ESCO1: variants seen among roughly 807,000 people sequenced by gnomAD.
ESCO1 encodes the protein establishment of sister chromatid cohesion N-acetyltransferase 1, also known as N-acetyltransferase ESCO1.
In ESCO1, 33 loss-of-function variants were observed where a neutral mutation model predicts 83.5. The ratio of observed to expected loss-of-function variants is 0.40; its 90% CI spans 0.30 to 0.53. The LOEUF is 0.53. Among genes scored for constraint, ESCO1 ranks in the 20% least tolerant of loss-of-function variants. The probability of loss-of-function intolerance (pLI) is 0.63; values close to 1 mark genes in which losing one functional copy is unlikely to be tolerated. For missense variants in ESCO1, 855 were observed against 968.0 expected, an observed-to-expected ratio of 0.88 and a Z score of 1.55; for synonymous variants, 332 against 324.3, an observed-to-expected ratio of 1.02 and a Z score of -0.25.
Position 21,575,976 on chromosome 18 carries a change from T to C in ESCO1, c.-693-199A>G, listed in dbSNP as rs146965430. 1.4e-4 allele frequency among the ~76,000 whole-genome samples: 22 copies of C among 152,314 alleles called. No homozygotes were observed. The East Asian group carries it at 3.3e-3, about 23-fold the overall frequency. ...CAACTATATGCAGCCAATGGACTAGTAGGCATTCATTCATGTTGTGAAAAA... is the reference window on the plus strand; with the variant it reads ...CAACTATATGCAGCCAATGGACTAGCAGGCATTCATTCATGTTGTGAAAAA... On this transcript the variant is annotated intron_variant, in intron 2 of 11. Transcript: ENST00000269214.
In ESCO1 at chr18:21,564,282, T is replaced by C. The variant is rs1438127511; in HGVS notation, c.1742A>G (p.Asn581Ser). The change falls in exon 7 of 12, where the codon AAT becomes AGT. Residue 581 changes from asparagine to serine, a missense_variant. Asn to Ser is a conservative substitution (Grantham distance 46). This residue lies in a region of ESCO1 where 726 missense variants were observed against 699.5 expected (regional missense o/e 1.04). Coordinates refer to ENST00000269214, the MANE Select transcript of ESCO1 (RefSeq NM_052911.3). Reference protein sequence around the residue: ...TPRNHSLPKCNSHLEITIPKD... With the variant: ...TPRNHSLPKCSSHLEITIPKD... Reference sequence around the variant, plus strand: ...TGGAATTGTTATCTCCAAATGGGAATTACACTTAGGCAAAGAATGATTTCG... The same window carrying C: ...TGGAATTGTTATCTCCAAATGGGAACTACACTTAGGCAAAGAATGATTTCG... 1 of 1,611,868 alleles carries C rather than the reference T, an allele frequency of 6.2e-7. No individual in the cohort carries two copies. The highest frequency in any genetic ancestry group is 8.5e-7 in the Non-Finnish European group (1 of 1,179,152).
intron 8 of ESCO1, among the ~76,000 whole-genome samples, chr18:21,558,047 C>T (rs1484251825): frequency 6.6e-6 from 1 of 150,614 alleles, no homozygotes; most frequent in Non-Finnish European, 1.5e-5. Flanking sequence ...TCTTGGCTCA[C>T]CTTAACCTCC....
intron 4 of ESCO1, among the ~76,000 whole-genome samples, chr18:21,570,012 TCAC>T (rs1357758143): frequency 2.0e-5 from 3 of 152,166 alleles, no homozygotes; most frequent in Non-Finnish European, 4.4e-5. Context: ...ACCAATATGG[TCAC>T]CACCACATTT....
intron 7 of ESCO1, among the ~76,000 whole-genome samples, chr18:21,562,087 C>A: frequency 6.6e-6 from 1 of 151,126 alleles, no homozygotes; most frequent in Non-Finnish European, 1.5e-5. Context: ...GCCATGTTGG[C>A]CAGGCTGGTC....
At chr18:21,589,170 T>C (rs1185384064) in intron 1 of ESCO1, among the ~76,000 whole-genome samples, 2 of 149,272 alleles carry the variant, frequency 1.3e-5, no homozygotes, top group African/African-American at 2.5e-5. Context: ...ACCTGGGAGG[T>C]AGAGGATACA....
intron 9 of ESCO1, 123 bp downstream of exon 9, chr18:21,539,797 G>A (rs555339075): frequency 9.7e-6 from 7 of 718,626 alleles, no homozygotes; most frequent in Admixed American, 2.5e-5. Context: ...GCAGTGAGCC[G>A]AGATCGTGCC....
At position 21,532,667 on chromosome 18, in the gene ESCO1, G is replaced by T. The variant is rs756173012; in HGVS notation, c.2188-7C>A. 4 of 1,604,624 alleles carry T rather than the reference G, an allele frequency of 2.5e-6. No individual in the cohort carries two copies. The African/African-American group carries it at 5.4e-5, about 22-fold the overall frequency. On this transcript the variant is annotated splice_polypyrimidine_tract_variant and splice_region_variant and intron_variant, in intron 10 of 11. Transcript: ENST00000269214. ...CTTCTATAACTCTGTAGCCCTACAG[G>T]TGTCAAAAATGGGGAAAAAATTTAA...
chr18:21,591,304 C>A lies in ESCO1; in HGVS notation c.-824-6864G>T, dbSNP rs369726960. Among the ~76,000 whole-genome samples, 7 of 152,178 alleles carry A rather than the reference C, an allele frequency of 4.6e-5. No homozygotes were observed. In the South Asian group the frequency reaches 1.0e-3, roughly 23 times the overall value. The stretch of plus-strand genomic sequence containing the variant: ...TAATGTGGTCATAGGCCCAGGAATG[C>A]CAGGGCAACCAACAGAAGCTAGATG... On this transcript the variant is annotated intron_variant, in intron 1 of 11. Coordinates refer to ENST00000269214, the MANE Select transcript of ESCO1 (RefSeq NM_052911.3).
At chr18:21,535,997 C>T in intron 10 of ESCO1, 45 bp downstream of exon 10, 1 of 1,595,976 alleles carries the variant, frequency 6.3e-7, no homozygotes, top group Non-Finnish European at 8.5e-7. Flanking sequence ...ACGTTGTAAA[C>T]TCATTAAACA....
chr18:21,566,817 G>T (rs545865077), intron 5 of ESCO1, among the ~76,000 whole-genome samples: 3 of 148,722 alleles, frequency 2.0e-5, no homozygotes, highest in Non-Finnish European at 3.0e-5. Flanking sequence ...CTGAGATCGC[G>T]CCACTGCACC....
chr18:21,575,809 A>G (rs2038411933), intron 2 of ESCO1, 32 bp from the exon 3 acceptor site: 1 of 397,332 alleles, frequency 2.5e-6, no homozygotes, highest in South Asian at 1.3e-4. Context: ...TTAATGTTCA[A>G]AAGGACAAAG....
At chr18:21,531,388 T>G (rs2037765030) in intron 11 of ESCO1, among the ~76,000 whole-genome samples, 1 of 152,044 alleles carries the variant, frequency 6.6e-6, no homozygotes, top group Admixed American at 6.6e-5. Context: ...GTGAGCTGTG[T>G]TTGCACCACT....
Position 21,574,729 on chromosome 18 carries a change from A to AT in ESCO1, c.114dup (p.Ser39IlefsTer12). The AT allele has an allele frequency of 6.2e-7, 1 of 1,611,128 alleles. No individual in the cohort carries two copies. Among genetic ancestry groups the AT allele is most frequent in the Non-Finnish European group, 8.5e-7 (1 of 1,179,778 alleles). On this transcript the variant is annotated frameshift_variant, in exon 4 of 12. Transcript: ENST00000269214. LOFTEE classifies it high-confidence loss of function. Reference sequence around the variant, plus strand: ...GATTTTATAGTCTCCTTTGGACCTGATTTTTTTGCTAGATTCTTTTGAGAA... The same window carrying AT: ...GATTTTATAGTCTCCTTTGGACCTGATTTTTTTTGCTAGATTCTTTTGAGAA...
chr18:21,597,068 A>C (rs2038777739), intron 1 of ESCO1: 1 of 152,258 alleles, frequency 6.6e-6, no homozygotes, highest in Admixed American at 6.5e-5. Context: ...CTAATGCAAC[A>C]GAATGCAAAA....
chr18:21,579,523 G>A (rs2038464027), intron 2 of ESCO1, among the ~76,000 whole-genome samples: 2 of 151,624 alleles, frequency 1.3e-5, no homozygotes, highest in South Asian at 4.2e-4. Context: ...TGTAATCCCA[G>A]CACTTTGGGA....
intron 11 of ESCO1, 34 bp downstream of exon 11, chr18:21,532,439 C>A: frequency 1.9e-6 from 3 of 1,585,384 alleles, no homozygotes; most frequent in Non-Finnish European, 2.6e-6. Flanking sequence ...TCCTAAACTA[C>A]TAAAAATGAT....
Position 21,597,825 on chromosome 18 carries a change from T to C in ESCO1, c.-825+2798A>G, listed in dbSNP as rs191742743. Among the ~76,000 whole-genome samples, 687 of 152,276 alleles carry C rather than the reference T, an allele frequency of 4.5e-3. 6 individuals are homozygous for C. The highest frequency in any genetic ancestry group is 0.016 in the African/African-American group (649 of 41,564). On this transcript the variant is annotated intron_variant, in intron 1 of 11. Transcript: ENST00000269214. ...CAGAGCAGAGGATATAAATCTTCCT[T>C]TAAGCATTGTAATGCAATCAAGCAT... is the stretch of plus-strand genomic sequence containing the variant.
chr18:21,585,527 T>C (rs1358875085), intron 1 of ESCO1, among the ~76,000 whole-genome samples: 2 of 152,212 alleles, frequency 1.3e-5, no homozygotes, highest in African/African-American at 4.8e-5. Flanking sequence ...TCTATCCCAT[T>C]GGTCTTTATG....
chr18:21,554,558 G>A (rs2038088299), intron 8 of ESCO1, among the ~76,000 whole-genome samples: 1 of 152,120 alleles, frequency 6.6e-6, no homozygotes, highest in Admixed American at 6.6e-5. Flanking sequence ...CTTGAGGTCA[G>A]GAGTTCAAGA....
Sources: gnomAD v4.1 joint callset for allele counts (sites outside exome capture counted in the v4.1 genomes callset) on GRCh38, gnomAD v4.1.1 for gene constraint, gnomAD v4.1.1 regional missense constraint, MANE v1.5 for transcripts, NCBI Gene and HGNC (gene_info 2026-07-23, HGNC 2026-07-21) for gene names.